Variants in JAM2 observed in about 807,000 individuals in gnomAD.
The protein encoded by JAM2 is junctional adhesion molecule 2, also known as junctional adhesion molecule B.
In JAM2, 17 loss-of-function variants were observed where a neutral mutation model predicts 42.0. The observed-to-expected ratio is 0.40, with a 90% confidence interval of 0.28 to 0.61. The LOEUF (loss-of-function observed/expected upper bound fraction) is 0.61, where lower values mean the gene tolerates loss of function less well. JAM2 is among the 20% of genes least tolerant of loss of function. JAM2 has a pLI of 0.37. For missense variants in JAM2, 319 were observed against 358.3 expected, an observed-to-expected ratio of 0.89 and a Z score of 0.89; for synonymous variants, 118 against 128.6, an observed-to-expected ratio of 0.92 and a Z score of 0.56.
chr21:25,695,174 T>A (rs2033975834), intron 4 of JAM2, among the ~76,000 whole-genome samples: 2 of 152,210 alleles, frequency 1.3e-5, no homozygotes, highest in South Asian at 4.1e-4. Context: ...TAGGGAGTGG[T>A]GATGACTCTT....
At position 25,655,312 on chromosome 21, in the gene JAM2, G is replaced by GA. The variant is rs573241011; in HGVS notation, c.67+15430dup. Among the ~76,000 whole-genome samples the GA allele has an allele frequency of 6.4e-3, 899 of 140,806 alleles. 17 individuals carry two copies. Among genetic ancestry groups the GA allele is most frequent in the African/African-American group, 0.023 (865 of 37,756 alleles). The allele number at this position is 140,806 out of a possible 152,430, so 92.4% of individuals were successfully genotyped here. Reference sequence around the variant, plus strand: ...AAAAACTATTTAAATCCATAAAATAGAAAAAAGATAGTAACATGATAAATA... The same window carrying GA: ...AAAAACTATTTAAATCCATAAAATAGAAAAAAAGATAGTAACATGATAAATA... On this transcript the variant is annotated intron_variant, in intron 1 of 9. Coordinates refer to ENST00000480456, the MANE Select transcript of JAM2 (RefSeq NM_021219.4).
chr21:25,701,924 TA>T (rs60430187), intron 5 of JAM2, among the ~76,000 whole-genome samples: 22,345 of 144,328 alleles, frequency 0.15, 1,984 homozygotes, highest in East Asian at 0.31. Flanking sequence ...CTTTCATGGT[TA>T]AAAAAAAAAA....
At chr21:25,664,270 C>G (rs1254295136) in intron 1 of JAM2, among the ~76,000 whole-genome samples, 3 of 151,744 alleles carry the variant, frequency 2.0e-5, no homozygotes, top group Non-Finnish European at 2.9e-5. Context: ...GAGTCTTTCT[C>G]TGTTTCCCAG....
chr21:25,693,080 C>T (rs2033917625), intron 3 of JAM2, among the ~76,000 whole-genome samples: 1 of 152,112 alleles, frequency 6.6e-6, no homozygotes, highest in Admixed American at 6.5e-5. Flanking sequence ...ATTAATTGCT[C>T]AGTGAACTGC....
At chr21:25,661,184 G>A (rs184633851) in intron 1 of JAM2, among the ~76,000 whole-genome samples, 32 of 152,270 alleles carry the variant, frequency 2.1e-4, no homozygotes, top group African/African-American at 7.7e-4. Flanking sequence ...CAGGCATGGT[G>A]GCTAATGCCT....
At chr21:25,688,041 T>C (rs2033788879) in intron 2 of JAM2, among the ~76,000 whole-genome samples, 1 of 152,216 alleles carries the variant, frequency 6.6e-6, no homozygotes, top group African/African-American at 2.4e-5. Context: ...TCAAGAACAA[T>C]GCATGGCAGA....
intron 1 of JAM2, among the ~76,000 whole-genome samples, chr21:25,653,402 G>T (rs755505800): frequency 4.6e-5 from 7 of 152,166 alleles, no homozygotes; most frequent in Non-Finnish European, 8.8e-5. Flanking sequence ...TTGCCCTGGT[G>T]TATTAGTCTG....
At chr21:25,703,799 C>T (rs1170714448) in intron 6 of JAM2, among the ~76,000 whole-genome samples, 1 of 148,958 alleles carries the variant, frequency 6.7e-6, no homozygotes, top group Non-Finnish European at 1.5e-5. Flanking sequence ...TATTTTCATA[C>T]TTAATGTTAC....
chr21:25,702,837 T>G (rs1479349147), intron 6 of JAM2, among the ~76,000 whole-genome samples: 3 of 152,154 alleles, frequency 2.0e-5, no homozygotes, highest in African/African-American at 4.8e-5. Flanking sequence ...ATGGGTTTTT[T>G]TTGTTGTTGT....
chr21:25,653,624 A>T (rs1343153852), intron 1 of JAM2, among the ~76,000 whole-genome samples: 1 of 152,164 alleles, frequency 6.6e-6, no homozygotes, highest in Non-Finnish European at 1.5e-5. Flanking sequence ...AAACCATCAG[A>T]TCTTGTGAGA....
At chr21:25,646,591 G>GGA (rs146429601) in intron 1 of JAM2, among the ~76,000 whole-genome samples, 16 of 150,334 alleles carry the variant, frequency 1.1e-4, no homozygotes, top group South Asian at 4.2e-4. Context: ...AGAGAGAGAA[G>GGA]GAGAGAGAGA....
chr21:25,706,112 C>A, intron 7 of JAM2, 26 bp downstream of exon 7: 1 of 1,397,294 alleles, frequency 7.2e-7, no homozygotes, highest in Non-Finnish European at 1.0e-6. Context: ...CCTTCTTTGG[C>A]AGATAACTTT....
chr21:25,675,595 A>G (rs11911265), intron 1 of JAM2, among the ~76,000 whole-genome samples: 3 of 135,612 alleles, frequency 2.2e-5, no homozygotes, highest in African/African-American at 5.3e-5. Flanking sequence ...AAGGAAGGAA[A>G]GAAGGAAGGA....
At chr21:25,692,931 T>C (rs1238451295) in intron 3 of JAM2, among the ~76,000 whole-genome samples, 1 of 152,232 alleles carries the variant, frequency 6.6e-6, no homozygotes, top group Non-Finnish European at 1.5e-5. Flanking sequence ...CTAAAATGGC[T>C]TGTTAAGGGC....
At chr21:25,708,620 A>C (rs557600660) in intron 7 of JAM2, among the ~76,000 whole-genome samples, 3 of 152,312 alleles carry the variant, frequency 2.0e-5, no homozygotes, top group African/African-American at 4.8e-5. Context: ...TCAGTGCTTC[A>C]ATTTAGCCCA....
At chr21:25,649,389 G>A (rs900373883) in intron 1 of JAM2, among the ~76,000 whole-genome samples, 2 of 152,302 alleles carry the variant, frequency 1.3e-5, no homozygotes, top group Middle Eastern at 3.4e-3. Context: ...AAGCAGAAGT[G>A]CCGAGCAAAA....
rs1166639548 is a variant in JAM2 at position 25,715,992 on chromosome 21, T to TA, written c.*1320_*1321insA. ...TGATGGTTAATCTTCTTTCTTTTTTTTTTTTTTTTTTTGAGACGGAGTCTC... is the reference window on the plus strand; with the variant it reads ...TGATGGTTAATCTTCTTTCTTTTTTTATTTTTTTTTTTTGAGACGGAGTCTC... On this transcript the variant is annotated 3_prime_UTR_variant, in exon 10 of 10. Coordinates refer to ENST00000480456, the MANE Select transcript of JAM2 (RefSeq NM_021219.4). 2.7e-5 allele frequency: 4 copies of TA among 148,260 alleles called. No homozygotes were observed. Among genetic ancestry groups the TA allele is most frequent in the African/African-American group, 7.4e-5 (3 of 40,354 alleles). 9.2% of individuals were successfully genotyped at this position (148,260 alleles called of 1,614,324 possible). A position where few individuals can be genotyped will look rare whatever the true frequency, so the allele number is the denominator to read the frequency against.
intron 3 of JAM2, among the ~76,000 whole-genome samples, chr21:25,690,590 C>A (rs1019708043): frequency 5.9e-5 from 9 of 152,070 alleles, no homozygotes; most frequent in African/African-American, 1.5e-4. Flanking sequence ...TCAACCCATC[C>A]TCCTGCCTCG....
chr21:25,679,674 C>T (rs934503824), intron 1 of JAM2, among the ~76,000 whole-genome samples: 1 of 152,172 alleles, frequency 6.6e-6, no homozygotes, highest in African/African-American at 2.4e-5. Context: ...CGTTGGTGTC[C>T]TACTTTCCTA....
Sources: allele counts gnomAD v4.1 joint callset (sites outside exome capture counted in the v4.1 genomes callset), GRCh38; gene constraint gnomAD v4.1.1; transcripts MANE v1.5; gene names NCBI Gene and HGNC (gene_info 2026-07-23, HGNC 2026-07-21).